The following PRKACB variants were observed in gnomAD, a reference collection of about 807,000 sequenced individuals.
The protein encoded by PRKACB is cAMP-dependent protein kinase catalytic subunit beta.
PRKACB carries 16 observed loss-of-function variants against 51.4 expected under a neutral mutation model. That is an observed-to-expected ratio of 0.31 (90% CI 0.21 to 0.47). The LOEUF is 0.47. Among genes scored for constraint, PRKACB ranks in the 20% least tolerant of loss-of-function variants. PRKACB has a pLI of 1.00. For synonymous variants in PRKACB, 147 were observed against 154.4 expected, an observed-to-expected ratio of 0.95 and a Z score of 0.35; for missense variants, 309 against 464.5, an observed-to-expected ratio of 0.67 and a Z score of 3.08.
intron 2 of PRKACB, 30 bp downstream of exon 2, chr1:84,179,268 A>G (rs763389838): frequency 6.6e-7 from 1 of 1,526,598 alleles, no homozygotes; most frequent in Non-Finnish European, 8.8e-7. Flanking sequence ...TTCTAAAATT[A>G]AAAATCTTGT....
intron 1 of PRKACB, among the ~76,000 whole-genome samples, chr1:84,109,406 TTAG>T (rs999139626): frequency 1.3e-5 from 2 of 151,982 alleles, no homozygotes; most frequent in African/African-American, 4.8e-5. Flanking sequence ...CACTTTTGCT[TTAG>T]CCATTCTGAT....
At chr1:84,123,856 T>G (rs1651308163) in intron 1 of PRKACB, among the ~76,000 whole-genome samples, 1 of 152,208 alleles carries the variant, frequency 6.6e-6, no homozygotes, top group Admixed American at 6.5e-5. Flanking sequence ...CATAGTCTAA[T>G]ATAAATGGAT....
chr1:84,199,105 GTATATATATGCATATATA>G (rs1478306389), intron 7 of PRKACB, among the ~76,000 whole-genome samples: 1 of 81,960 alleles, frequency 1.2e-5, no homozygotes, highest in Non-Finnish European at 2.9e-5. Flanking sequence ...ATGCATATAT[GTATATATATGCATATATA>G]TATATATATA....
intron 1 of PRKACB, among the ~76,000 whole-genome samples, chr1:84,080,135 G>A (rs1283488078): frequency 1.3e-5 from 2 of 152,002 alleles, no homozygotes; most frequent in Non-Finnish European, 2.9e-5. Flanking sequence ...GAGTGTGCTT[G>A]GAGAATGATT....
chr1:84,114,607 A>ACAGATATAG (rs1650485620), intron 1 of PRKACB, among the ~76,000 whole-genome samples: 1 of 152,164 alleles, frequency 6.6e-6, no homozygotes, highest in Admixed American at 6.6e-5. Flanking sequence ...CTGCTATCAA[A>ACAGATATAG]CATTGAATAT....
At chr1:84,228,190 T>C (rs1251242897) in intron 9 of PRKACB, among the ~76,000 whole-genome samples, 1 of 152,230 alleles carries the variant, frequency 6.6e-6, no homozygotes. Flanking sequence ...TATTTGTGTG[T>C]GTATCTTATA....
At chr1:84,078,481 G>C in intron 1 of PRKACB, 1 of 1,304,358 alleles carries the variant, frequency 7.7e-7, no homozygotes, top group Non-Finnish European at 1.0e-6. Flanking sequence ...GCCTAGCAGC[G>C]GCCGCCGGGA....
intron 1 of PRKACB, among the ~76,000 whole-genome samples, chr1:84,088,028 T>C (rs942075902): frequency 1.7e-4 from 26 of 152,124 alleles, no homozygotes; most frequent in Non-Finnish European, 3.7e-4. Flanking sequence ...ACGTGTTTTT[T>C]TGTAATGTGA....
chr1:84,111,828 G>GATATATATATAT (rs569118584), intron 1 of PRKACB, among the ~76,000 whole-genome samples: 26 of 151,694 alleles, frequency 1.7e-4, no homozygotes, highest in African/African-American at 6.3e-4. Flanking sequence ...TGCAAGACCT[G>GATATATATATAT]ATATATATAT....
chr1:84,181,995 A>T (rs1663663269), intron 2 of PRKACB, among the ~76,000 whole-genome samples: 1 of 152,050 alleles, frequency 6.6e-6, no homozygotes, highest in Non-Finnish European at 1.5e-5. Flanking sequence ...TTTCCAATAC[A>T]TTCTCTCCTC....
intron 1 of PRKACB, among the ~76,000 whole-genome samples, chr1:84,091,918 T>C (rs1648506696): frequency 6.6e-6 from 1 of 152,200 alleles, no homozygotes; most frequent in Non-Finnish European, 1.5e-5. Context: ...CAAATGTTTT[T>C]TCGCAGTGAT....
Position 84,144,346 on chromosome 1 carries a change from G to A in PRKACB, c.-16G>A. 6.2e-7 allele frequency: 1 copy of A among 1,608,636 alleles called. No homozygotes were observed. Among genetic ancestry groups the A allele is most frequent in the Non-Finnish European group, 8.5e-7 (1 of 1,178,102 alleles). On this transcript the variant is annotated 5_prime_UTR_variant, in exon 1 of 10. The change creates a new upstream start codon in the 5' untranslated region. Coordinates refer to ENST00000370685, the MANE Select transcript of PRKACB (RefSeq NM_182948.4). ...AACATTTGCAGTTACATTAAGTAAAGTGTAAATGCACATGAATGGCAGCTT... is the reference window on the plus strand; with the variant it reads ...AACATTTGCAGTTACATTAAGTAAAATGTAAATGCACATGAATGGCAGCTT...
At chr1:84,090,358 G>T (rs1648360891) in intron 1 of PRKACB, among the ~76,000 whole-genome samples, 1 of 152,134 alleles carries the variant, frequency 6.6e-6, no homozygotes, top group Non-Finnish European at 1.5e-5. Flanking sequence ...TAGAGGAGTT[G>T]TCTGTTATAT....
At chr1:84,155,407 C>A (rs1191584629) in intron 1 of PRKACB, among the ~76,000 whole-genome samples, 2 of 152,120 alleles carry the variant, frequency 1.3e-5, no homozygotes, top group African/African-American at 2.4e-5. Flanking sequence ...GTTTATGGAT[C>A]TGAAGAATAA....
intron 1 of PRKACB, among the ~76,000 whole-genome samples, chr1:84,129,147 ATC>A (rs1053350404): frequency 3.3e-5 from 5 of 152,116 alleles, no homozygotes; most frequent in African/African-American, 7.2e-5. Context: ...AAATTTCCAT[ATC>A]TCTTTTTATG....
At chr1:84,124,676 A>T (rs1416095406) in intron 1 of PRKACB, among the ~76,000 whole-genome samples, 2 of 152,184 alleles carry the variant, frequency 1.3e-5, no homozygotes, top group East Asian at 1.9e-4. Flanking sequence ...GAGGGTTCTC[A>T]TGTGAGTGAA....
intron 9 of PRKACB, among the ~76,000 whole-genome samples, chr1:84,227,124 G>GT (rs992934967): frequency 2.6e-5 from 4 of 152,004 alleles, no homozygotes; most frequent in African/African-American, 9.6e-5. Flanking sequence ...TACAGTTTCT[G>GT]TTTTTTTGAA....
chr1:84,097,299 ATACATTAGTAGATAGTATC>A (rs1008834625), intron 1 of PRKACB, among the ~76,000 whole-genome samples: 4 of 151,740 alleles, frequency 2.6e-5, no homozygotes, highest in Admixed American at 6.6e-5. Context: ...GTATCTGTAG[ATACATTAGTAGATAGTATC>A]TACATTAGTA....
intron 6 of PRKACB, among the ~76,000 whole-genome samples, chr1:84,197,446 A>T (rs1383300113): frequency 6.6e-6 from 1 of 151,782 alleles, no homozygotes; most frequent in Non-Finnish European, 1.5e-5. Context: ...TTTTATTTTC[A>T]CTTTTTTATT....
Sources: gnomAD v4.1 joint callset for allele counts (sites outside exome capture counted in the v4.1 genomes callset) on GRCh38, gnomAD v4.1.1 for gene constraint, MANE v1.5 for transcripts, NCBI Gene and HGNC (gene_info 2026-07-23, HGNC 2026-07-21) for gene names.